Variants in SV2C observed in about 807,000 individuals in gnomAD.
SV2C encodes the protein solute carrier family 22 member B3.
Under a neutral mutation model 79.7 loss-of-function variants are expected in SV2C, and 49 were observed. That is an observed-to-expected ratio of 0.61 (90% confidence interval 0.49 to 0.78). SV2C has a LOEUF of 0.78. SV2C is among the 30% of genes least tolerant of loss of function. The pLI, the probability that SV2C is intolerant of heterozygous loss-of-function variation, is 0.00. For synonymous variants in SV2C, 334 were observed against 333.2 expected, an observed-to-expected ratio of 1.00 and a Z score of -0.03; for missense variants, 833 against 912.9, an observed-to-expected ratio of 0.91 and a Z score of 1.13.
intron 4 of SV2C, among the ~76,000 whole-genome samples, chr5:76,278,317 T>A (rs1321482031): frequency 6.6e-6 from 1 of 152,074 alleles, no homozygotes; most frequent in Non-Finnish European, 1.5e-5. Context: ...AACACATGAA[T>A]ATGACAACTT....
intron 2 of SV2C, among the ~76,000 whole-genome samples, chr5:76,149,324 C>A (rs1316165625): frequency 6.6e-6 from 1 of 152,136 alleles, no homozygotes; most frequent in African/African-American, 2.4e-5. Flanking sequence ...TAGACCAGTG[C>A]CCCCCAGACA....
In SV2C at chr5:76,291,808, G is replaced by C; in HGVS notation, c.1289G>C (p.Arg430Thr). ...TFMRCFNYPV[R>T]DNTIKLTIVW... The stretch of plus-strand genomic sequence containing the variant: ...ATGAGATGTTTCAACTACCCAGTCA[G>C]GGATAATACAATAAAGCTTACAATT... Residue 430 changes from arginine (R) to threonine (T), a missense_variant, in exon 8 of 13, where the codon AGG becomes ACG. Physicochemically the swap from Arg to Thr is moderately conservative, Grantham distance 71. Coordinates refer to ENST00000502798, the MANE Select transcript of SV2C (RefSeq NM_014979.4). The C allele has an allele frequency of 6.2e-7, 1 of 1,610,952 alleles. No individual in the cohort carries two copies. Among genetic ancestry groups the C allele is most frequent in the Non-Finnish European group, 8.5e-7 (1 of 1,178,232 alleles).
the SV2C span, among the ~76,000 whole-genome samples, chr5:75,956,327 A>G: frequency 4.9e-5 from 7 of 143,796 alleles, no homozygotes; most frequent in African/African-American, 1.8e-4. Context: ...ATTCTCACTC[A>G]TAGGTGGGAA....
chr5:76,017,998 C>T, the SV2C span, among the ~76,000 whole-genome samples: 15 of 152,212 alleles, frequency 9.9e-5, no homozygotes, highest in Middle Eastern at 3.4e-3. Flanking sequence ...CATGTGGTCA[C>T]GGTGCCACAG....
At chr5:75,864,174 CT>C in the SV2C span, among the ~76,000 whole-genome samples, 1 of 152,002 alleles carries the variant, frequency 6.6e-6, no homozygotes, top group Admixed American at 6.6e-5. Context: ...GCAAAAAGTT[CT>C]TTTTTTATAG....
At chr5:75,985,724 G>A in the SV2C span, among the ~76,000 whole-genome samples, 1 of 151,784 alleles carries the variant, frequency 6.6e-6, no homozygotes, top group African/African-American at 2.4e-5. Context: ...AGTAAAAAAA[G>A]TGATGTTACT....
downstream of SV2C, among the ~76,000 whole-genome samples, chr5:76,335,414 CTTTTTTTTTTTTT>C (rs869230352): frequency 5.1e-5 from 5 of 98,114 alleles, no homozygotes; most frequent in South Asian, 1.5e-3. Context: ...ACACATTTTC[CTTTTTTTTTTTTT>C]TTTTTTTTTT....
At chr5:76,154,691 A>T (rs1742666933) in intron 2 of SV2C, among the ~76,000 whole-genome samples, 2 of 152,214 alleles carry the variant, frequency 1.3e-5, no homozygotes, top group African/African-American at 4.8e-5. Flanking sequence ...AAAACTGAAA[A>T]TTACTAAAGA....
At chr5:75,974,202 G>A in the SV2C span, among the ~76,000 whole-genome samples, 9 of 151,928 alleles carry the variant, frequency 5.9e-5, no homozygotes, top group Non-Finnish European at 1.2e-4. Flanking sequence ...TCACATTCTT[G>A]AGTTTCATGG....
the SV2C span, among the ~76,000 whole-genome samples, chr5:75,984,835 C>T: frequency 6.6e-6 from 1 of 152,000 alleles, no homozygotes; most frequent in Non-Finnish European, 1.5e-5. Context: ...TTCTTCTCTG[C>T]AGGTTTTCAA....
At chr5:75,907,274 A>G in the SV2C span, among the ~76,000 whole-genome samples, 1 of 152,186 alleles carries the variant, frequency 6.6e-6, no homozygotes, top group Non-Finnish European at 1.5e-5. Flanking sequence ...TTTTGACTAA[A>G]TATTACTTAT....
chr5:76,310,671 T>A (rs951456910), intron 12 of SV2C, among the ~76,000 whole-genome samples: 1 of 152,126 alleles, frequency 6.6e-6, no homozygotes, highest in African/African-American at 2.4e-5. Flanking sequence ...GTGGTTAGAT[T>A]CTGAAAATAT....
the SV2C span, among the ~76,000 whole-genome samples, chr5:75,936,321 A>G: frequency 6.6e-6 from 1 of 152,158 alleles, no homozygotes; most frequent in South Asian, 2.1e-4. Flanking sequence ...CCTTGGGTCT[A>G]TGTCTCTACA....
chr5:75,958,321 T>C, the SV2C span, among the ~76,000 whole-genome samples: 1 of 151,974 alleles, frequency 6.6e-6, no homozygotes, highest in African/African-American at 2.4e-5. Context: ...TTAAACATTA[T>C]TTTCGGTTCT....
intron 2 of SV2C, among the ~76,000 whole-genome samples, chr5:76,156,056 G>A (rs903201259): frequency 2.0e-5 from 3 of 151,958 alleles, no homozygotes; most frequent in Non-Finnish European, 4.4e-5. Context: ...TAGTTTGCTG[G>A]GAACTAGGGA....
At chr5:75,966,380 A>G in the SV2C span, among the ~76,000 whole-genome samples, 2 of 152,194 alleles carry the variant, frequency 1.3e-5, no homozygotes, top group East Asian at 1.9e-4. Flanking sequence ...ATAAATTTTT[A>G]TGCTACCCTA....
intron 12 of SV2C, among the ~76,000 whole-genome samples, chr5:76,342,886 CTTTTT>C (rs35379719): frequency 2.2e-5 from 3 of 138,840 alleles, no homozygotes; most frequent in African/African-American, 5.2e-5. Flanking sequence ...CTCTCTCTCT[CTTTTT>C]TTTTTTTTTT....
the SV2C span, among the ~76,000 whole-genome samples, chr5:75,953,595 C>T: frequency 4.0e-5 from 6 of 151,834 alleles, no homozygotes; most frequent in South Asian, 2.1e-4. Flanking sequence ...GTACTTTATC[C>T]GGAAACCCAG....
At chr5:75,921,185 TG>T in the SV2C span, 1 of 978,000 alleles carries the variant, frequency 1.0e-6, no homozygotes, top group East Asian at 2.4e-5. Context: ...CAAGTGCCCG[TG>T]GAACTTGAGC....
Sources: allele counts gnomAD v4.1 joint callset (sites outside exome capture counted in the v4.1 genomes callset), GRCh38; gene constraint gnomAD v4.1.1; transcripts MANE v1.5; gene names NCBI Gene and HGNC (gene_info 2026-07-23, HGNC 2026-07-21).